LRMDA: variants seen among roughly 807,000 people sequenced by gnomAD.
LRMDA encodes the protein leucine rich melanocyte differentiation associated.
Under a neutral mutation model 29.8 loss-of-function variants are expected in LRMDA, and 18 were observed. The observed-to-expected ratio is 0.60, with a 90% confidence interval of 0.42 to 0.90. The LOEUF (loss-of-function observed/expected upper bound fraction) is 0.90, where lower values mean the gene tolerates loss of function less well. Ranked by LOEUF, LRMDA falls within the 40% of genes least tolerant of loss-of-function variation. The pLI is 0.00. For synonymous variants in LRMDA, 125 were observed against 109.4 expected (o/e 1.14, Z -0.89); for missense variants, 273 against 273.9 (o/e 1.00, Z 0.02).
rs1285658009 is a variant in LRMDA, at chr10:76,558,160, TC to T, written c.*874del. The T allele has an allele frequency of 1.3e-5, 2 of 152,220 alleles. No homozygotes were observed. Among genetic ancestry groups the T allele is most frequent in the Non-Finnish European group, 2.9e-5 (2 of 68,074 alleles). The allele number at this position is 152,220 out of a possible 1,614,324, so 9.4% of individuals were successfully genotyped here. ...TAATTTATTTTTAACCGTACACACT[TC>T]CAGTGATGCCTGTGGCCATACTTGT... On this transcript the variant is annotated 3_prime_UTR_variant, in exon 7 of 7. Transcript: ENST00000611255.
chr10:76,070,272 G>T (rs542451822), intron 5 of LRMDA, among the ~76,000 whole-genome samples: 13 of 152,318 alleles, frequency 8.5e-5, no homozygotes, highest in African/African-American at 2.9e-4. Flanking sequence ...TGGGGGGCAG[G>T]TACCTAAGTC....
chr10:75,529,311 A>G (rs958559027), intron 2 of LRMDA, among the ~76,000 whole-genome samples: 4 of 152,344 alleles, frequency 2.6e-5, no homozygotes, highest in Admixed American at 2.0e-4. Context: ...CTGGAGCAAC[A>G]CCTTCAGAAT....
intron 2 of LRMDA, among the ~76,000 whole-genome samples, chr10:75,729,939 A>C (rs1469990117): frequency 6.6e-6 from 1 of 152,134 alleles, no homozygotes; most frequent in Non-Finnish European, 1.5e-5. Flanking sequence ...CTGGGACTAC[A>C]TGTCCACACC....
intron 2 of LRMDA, among the ~76,000 whole-genome samples, chr10:75,604,571 A>C (rs898864139): frequency 6.6e-6 from 1 of 152,180 alleles, no homozygotes; most frequent in African/African-American, 2.4e-5. Flanking sequence ...ACACAAGTTT[A>C]TGGTATTGAG....
chr10:75,840,582 C>T (rs1018237960), intron 2 of LRMDA, among the ~76,000 whole-genome samples: 1 of 152,074 alleles, frequency 6.6e-6, no homozygotes, highest in African/African-American at 2.4e-5. Flanking sequence ...TGTGTGCACA[C>T]GAGTGAGCAC....
chr10:75,589,334 G>C (rs1474939029), intron 2 of LRMDA, among the ~76,000 whole-genome samples: 1 of 152,084 alleles, frequency 6.6e-6, no homozygotes, highest in Non-Finnish European at 1.5e-5. Context: ...TGTTTAATTT[G>C]CATTTCTCTT....
At chr10:76,347,348 A>G (rs922806886) in intron 6 of LRMDA, among the ~76,000 whole-genome samples, 2 of 152,216 alleles carry the variant, frequency 1.3e-5, no homozygotes, top group East Asian at 1.9e-4. Context: ...CTGAATTAAC[A>G]TGAGCAGAAT....
At chr10:75,597,865 G>C (rs1032350053) in intron 2 of LRMDA, among the ~76,000 whole-genome samples, 5 of 152,158 alleles carry the variant, frequency 3.3e-5, no homozygotes, top group Non-Finnish European at 5.9e-5. Context: ...GATTTATAAG[G>C]CTTGAAATTT....
intron 6 of LRMDA, among the ~76,000 whole-genome samples, chr10:76,520,866 A>G (rs1843111133): frequency 1.3e-5 from 2 of 152,134 alleles, no homozygotes; most frequent in South Asian, 4.1e-4. Flanking sequence ...TTCATCATGA[A>G]GCTTCTTTTA....
intron 2 of LRMDA, among the ~76,000 whole-genome samples, chr10:75,666,698 G>T (rs1841826900): frequency 6.6e-6 from 1 of 151,036 alleles, no homozygotes; most frequent in Admixed American, 6.6e-5. Context: ...TAGATGGTTG[G>T]TTTTTTTTTG....
intron 6 of LRMDA, among the ~76,000 whole-genome samples, chr10:76,509,094 A>G (rs1331240868): frequency 6.6e-6 from 1 of 152,158 alleles, no homozygotes; most frequent in Non-Finnish European, 1.5e-5. Flanking sequence ...TGGATACTCA[A>G]ATATACGTTG....
chr10:75,653,933 T>C (rs1841634172), intron 2 of LRMDA, among the ~76,000 whole-genome samples: 1 of 152,212 alleles, frequency 6.6e-6, no homozygotes, highest in Non-Finnish European at 1.5e-5. Flanking sequence ...CTTCTCTACG[T>C]CTGCTAAGAA....
chr10:76,121,396 T>A (rs1199136038), intron 5 of LRMDA, among the ~76,000 whole-genome samples: 1 of 152,194 alleles, frequency 6.6e-6, no homozygotes, highest in Non-Finnish European at 1.5e-5. Context: ...CTGAATCAGA[T>A]GTTTAGAAGG....
At chr10:76,234,323 C>A (rs1030091323) in intron 5 of LRMDA, among the ~76,000 whole-genome samples, 1 of 152,174 alleles carries the variant, frequency 6.6e-6, no homozygotes, top group African/African-American at 2.4e-5. Flanking sequence ...GTAAATCATG[C>A]TGTGAACGGA....
chr10:76,117,369 G>A (rs1462540937), intron 5 of LRMDA, among the ~76,000 whole-genome samples: 1 of 152,142 alleles, frequency 6.6e-6, no homozygotes, highest in African/African-American at 2.4e-5. Context: ...TCTTTAAATA[G>A]CTCTTCTTGT....
intron 2 of LRMDA, among the ~76,000 whole-genome samples, chr10:75,699,758 A>G (rs149292204): frequency 1.8e-4 from 27 of 152,178 alleles, no homozygotes; most frequent in African/African-American, 6.5e-4. Flanking sequence ...GTTACCTTAT[A>G]TGGAAAAAGG....
intron 2 of LRMDA, among the ~76,000 whole-genome samples, chr10:75,973,611 G>A (rs1009084200): frequency 3.9e-5 from 6 of 152,036 alleles, no homozygotes; most frequent in African/African-American, 1.4e-4. Context: ...ATAGAAACAG[G>A]GTTTCACCAT....
At chr10:75,720,806 C>A (rs1808813952) in intron 2 of LRMDA, among the ~76,000 whole-genome samples, 1 of 151,912 alleles carries the variant, frequency 6.6e-6, no homozygotes, top group Non-Finnish European at 1.5e-5. Context: ...AGACCTCTGA[C>A]AATGCAGGAA....
At chr10:75,849,638 A>G (rs1434347768) in intron 2 of LRMDA, among the ~76,000 whole-genome samples, 1 of 152,178 alleles carries the variant, frequency 6.6e-6, no homozygotes, top group Non-Finnish European at 1.5e-5. Context: ...ATTAGGAAAA[A>G]TAGCTAAAGC....
Sources: allele counts gnomAD v4.1 joint callset (sites outside exome capture counted in the v4.1 genomes callset), GRCh38; gene constraint gnomAD v4.1.1; transcripts MANE v1.5; gene names NCBI Gene and HGNC (gene_info 2026-07-23, HGNC 2026-07-21).